The following FYN variants were observed in gnomAD, a reference collection of about 807,000 sequenced individuals.
FYN encodes the protein tyrosine-protein kinase Fyn.
Under a neutral mutation model 70.2 loss-of-function variants are expected in FYN, and 10 were observed. The ratio of observed to expected loss-of-function variants is 0.14; its 90% CI spans 0.09 to 0.24. The LOEUF (loss-of-function observed/expected upper bound fraction) is 0.24. Ranked by LOEUF, FYN falls within the 10% of genes least tolerant of loss-of-function variation. The pLI is 1.00. For synonymous variants in FYN, 236 were observed against 248.6 expected (o/e 0.95, Z 0.48); for missense variants, 319 against 673.1 (o/e 0.47, Z 5.82).
At chr6:111,790,279 CACACACACACACACACACAT>C (rs1288660134) in intron 2 of FYN, among the ~76,000 whole-genome samples, 62 of 151,536 alleles carry the variant, frequency 4.1e-4, no homozygotes, top group African/African-American at 1.5e-3. Flanking sequence ...CACACACACA[CACACACACACACACACACAT>C]TCTGAAGGGC....
chr6:111,773,944 A>G (rs1041763230), intron 3 of FYN, among the ~76,000 whole-genome samples: 3 of 152,190 alleles, frequency 2.0e-5, no homozygotes, highest in African/African-American at 7.2e-5. Flanking sequence ...TTCACCAGAT[A>G]GGTATGACGT....
rs563489057 is a variant in FYN at position 111,732,529 on chromosome 6, C to T, written c.-11-12467G>A. ...GGCAGGTGAAGGGTGTGCAGGCTGC[C>T]TGCTATCCCCTCGCTGTCCCACCAA... On this transcript the variant is annotated intron_variant, in intron 3 of 13. Transcript: ENST00000354650. Among the ~76,000 whole-genome samples the T allele has an allele frequency of 1.1e-4, 17 of 152,290 alleles. No homozygotes were observed. In the South Asian group the frequency reaches 3.5e-3, roughly 32 times the overall value.
intron 13 of FYN, among the ~76,000 whole-genome samples, chr6:111,664,199 G>A (rs952976211): frequency 5.3e-5 from 8 of 152,174 alleles, no homozygotes; most frequent in African/African-American, 1.2e-4. Context: ...TTTCAGCAAT[G>A]ACAGAGCTTG....
intron 3 of FYN, among the ~76,000 whole-genome samples, chr6:111,750,069 G>A (rs1033165967): frequency 3.3e-5 from 5 of 152,132 alleles, no homozygotes; most frequent in Admixed American, 6.6e-5. Flanking sequence ...ATATATGTCC[G>A]TTTTGAAGTA....
chr6:111,764,144 C>T lies in FYN; in HGVS notation c.-12+16422G>A, dbSNP rs2128495314. Reference sequence around the variant, plus strand: ...TAGGCTACACTGTTTACTTTCTATACATTTGAAATTTTCCATAAAAAAAAA... The same window carrying T: ...TAGGCTACACTGTTTACTTTCTATATATTTGAAATTTTCCATAAAAAAAAA... On this transcript the variant is annotated intron_variant, in intron 3 of 13. Coordinates refer to ENST00000354650, the MANE Select transcript of FYN (RefSeq NM_002037.5). Among the ~76,000 whole-genome samples the T allele has an allele frequency of 4.2e-5, 5 of 119,658 alleles. No individual in the cohort carries two copies. The Middle Eastern group carries it at 0.035, about 843-fold the overall frequency. 78.5% of individuals were successfully genotyped at this position (119,658 alleles called of 152,430 possible). A position where few individuals can be genotyped will look rare whatever the true frequency, so the allele number is the denominator to read the frequency against.
At chr6:111,735,655 G>C (rs923741985) in intron 3 of FYN, among the ~76,000 whole-genome samples, 9 of 152,138 alleles carry the variant, frequency 5.9e-5, no homozygotes, top group African/African-American at 2.2e-4. Context: ...GAGAAGCATG[G>C]GGGGGTGCCA....
At chr6:111,682,613 T>C (rs781703038) in intron 12 of FYN, among the ~76,000 whole-genome samples, 1 of 151,782 alleles carries the variant, frequency 6.6e-6, no homozygotes, top group African/African-American at 2.4e-5. Context: ...AAACGAGGAG[T>C]GGATGCTCTT....
At chr6:111,777,786 A>C (rs974303343) in intron 3 of FYN, among the ~76,000 whole-genome samples, 2 of 152,196 alleles carry the variant, frequency 1.3e-5, no homozygotes, top group Non-Finnish European at 1.5e-5. Context: ...ACTTGTAATG[A>C]AAAATCGGAA....
chr6:111,705,538 C>T (rs1800043689), intron 6 of FYN, among the ~76,000 whole-genome samples: 1 of 152,114 alleles, frequency 6.6e-6, no homozygotes. Flanking sequence ...ATCACCACAC[C>T]TGCTAACTAA....
chr6:111,667,349 C>T lies in FYN; in HGVS notation c.1406-5402G>A, dbSNP rs565538876. Among the ~76,000 whole-genome samples the T allele has an allele frequency of 2.6e-5, 4 of 152,312 alleles. No homozygotes were observed. In the East Asian group the frequency reaches 7.7e-4, roughly 29 times the overall value. The stretch of plus-strand genomic sequence containing the variant: ...GAACTCCTGGGCTCAAGCGATCCTC[C>T]TCACACTTCAGTCTCCCAAGCAGCT... On this transcript the variant is annotated intron_variant, in intron 13 of 13. Transcript: ENST00000354650.
At chr6:111,835,513 T>C (rs971819983) in intron 2 of FYN, among the ~76,000 whole-genome samples, 1 of 152,272 alleles carries the variant, frequency 6.6e-6, no homozygotes, top group Non-Finnish European at 1.5e-5. Flanking sequence ...AGAACACACC[T>C]GAACAAAGGG....
At chr6:111,778,314 G>C (rs1771031780) in intron 3 of FYN, among the ~76,000 whole-genome samples, 1 of 152,222 alleles carries the variant, frequency 6.6e-6, no homozygotes, top group Admixed American at 6.5e-5. Context: ...GTGTTAGAAA[G>C]TGAGTGGACT....
chr6:111,765,502 G>C (rs1276316806), intron 3 of FYN, among the ~76,000 whole-genome samples: 1 of 152,128 alleles, frequency 6.6e-6, no homozygotes, highest in Admixed American at 6.5e-5. Flanking sequence ...TCAGTCTCCA[G>C]ACTATGAGAA....
At chr6:111,717,016 C>T (rs1800679663) in intron 4 of FYN, among the ~76,000 whole-genome samples, 1 of 152,034 alleles carries the variant, frequency 6.6e-6, no homozygotes, top group Admixed American at 6.6e-5. Flanking sequence ...GAACTCCTGA[C>T]ATCGTGATCT....
chr6:111,807,154 CTTAT>C (rs1772176145), intron 2 of FYN, among the ~76,000 whole-genome samples: 1 of 152,128 alleles, frequency 6.6e-6, no homozygotes, highest in African/African-American at 2.4e-5. Flanking sequence ...TAACAGAGGA[CTTAT>C]TTATAATATT....
At chr6:111,855,087 T>C (rs1188859296) in intron 1 of FYN, among the ~76,000 whole-genome samples, 1 of 152,218 alleles carries the variant, frequency 6.6e-6, no homozygotes, top group Non-Finnish European at 1.5e-5. Flanking sequence ...CTTTAATGTA[T>C]TAGCTTCATT....
At chr6:111,686,652 T>C (rs1799018709) in intron 12 of FYN, among the ~76,000 whole-genome samples, 2 of 152,244 alleles carry the variant, frequency 1.3e-5, no homozygotes, top group African/African-American at 4.8e-5. Context: ...AAAAGGTTTT[T>C]TTTTTCTTCC....
chr6:111,692,450 C>A (rs562066337), intron 12 of FYN, among the ~76,000 whole-genome samples: 2 of 152,148 alleles, frequency 1.3e-5, no homozygotes, highest in East Asian at 3.9e-4. Context: ...GGGAGGGGAA[C>A]CAGCGAGGGT....
intron 2 of FYN, among the ~76,000 whole-genome samples, chr6:111,796,310 C>T (rs1376770897): frequency 1.3e-5 from 2 of 152,296 alleles, no homozygotes; most frequent in South Asian, 2.1e-4. Context: ...GATTACAATG[C>T]TGATATTTTT....
Sources: gnomAD v4.1 joint callset for allele counts (sites outside exome capture counted in the v4.1 genomes callset) on GRCh38, gnomAD v4.1.1 for gene constraint, MANE v1.5 for transcripts, NCBI Gene and HGNC (gene_info 2026-07-23, HGNC 2026-07-21) for gene names.